Variants in CDC14B observed in about 807,000 individuals in gnomAD.
The protein encoded by CDC14B is dual specificity protein phosphatase CDC14B.
A neutral mutation model predicts 64.2 loss-of-function variants in CDC14B; 22 were observed. The ratio of observed to expected loss-of-function variants is 0.34; its 90% confidence interval spans 0.24 to 0.49. The LOEUF is 0.49. CDC14B is among the 20% of genes least tolerant of loss of function. The pLI is 0.99. For synonymous variants in CDC14B, 191 were observed against 215.8 expected (o/e 0.89, Z 1.01); for missense variants, 498 against 629.9 (o/e 0.79, Z 2.24).
chr9:96,611,441 T>G (rs1847318748), intron 1 of CDC14B, among the ~76,000 whole-genome samples: 1 of 152,238 alleles, frequency 6.6e-6, no homozygotes, highest in Non-Finnish European at 1.5e-5. Context: ...ATGCCTGATC[T>G]AGATGAGGCG....
intron 5 of CDC14B, among the ~76,000 whole-genome samples, chr9:96,550,327 T>C (rs185017966): frequency 2.0e-5 from 3 of 152,350 alleles, no homozygotes; most frequent in Admixed American, 2.0e-4. Context: ...ATTTTCACAA[T>C]TTTTCATGCA....
At chr9:96,518,370 C>T (rs964729185) in intron 12 of CDC14B, among the ~76,000 whole-genome samples, 13 of 152,036 alleles carry the variant, frequency 8.6e-5, no homozygotes, top group Non-Finnish European at 1.5e-4. Flanking sequence ...CAAAAATTAG[C>T]GAGGCGTGGT....
intron 9 of CDC14B, among the ~76,000 whole-genome samples, chr9:96,528,486 C>T (rs189447461): frequency 1.3e-5 from 2 of 151,872 alleles, no homozygotes; most frequent in East Asian, 3.9e-4. Flanking sequence ...TGCACCACAG[C>T]ACTCTAGTCT....
chr9:96,607,831 C>T (rs1449350026), intron 1 of CDC14B, among the ~76,000 whole-genome samples: 1 of 152,142 alleles, frequency 6.6e-6, no homozygotes, highest in Admixed American at 6.5e-5. Flanking sequence ...AGTCGATTCC[C>T]ACTCCCAGCT....
rs376059971 is a variant in CDC14B, at chr9:96,606,527, T to TTGTGTGTGTGTGTG, written c.160+12678_160+12691dup. On this transcript the variant is annotated intron_variant, in intron 1 of 13. Coordinates refer to ENST00000375241, the MANE Select transcript of CDC14B (RefSeq NM_033331.4). Reference sequence around the variant, plus strand: ...ATGAGATCTCATCTCTACTAAAAGTTTGTGTGTGTGTGTGTGTGTGTGTGT... The same window carrying TTGTGTGTGTGTGTG: ...ATGAGATCTCATCTCTACTAAAAGTTTGTGTGTGTGTGTGTGTGTGTGTGTGTGTGTGTGTGTGT... 3.5e-3 allele frequency among the ~76,000 whole-genome samples: 396 copies of TTGTGTGTGTGTGTG among 112,838 alleles called. 6 individuals are homozygous for TTGTGTGTGTGTGTG. The highest frequency in any genetic ancestry group is 8.7e-3 in the African/African-American group (264 of 30,202). The allele number at this position is 112,838 out of a possible 152,430, so 74.0% of individuals were successfully genotyped here.
At chr9:96,570,857 A>G (rs1844424168) in intron 1 of CDC14B, among the ~76,000 whole-genome samples, 1 of 152,206 alleles carries the variant, frequency 6.6e-6, no homozygotes, top group Non-Finnish European at 1.5e-5. Flanking sequence ...GAAGTGGCAG[A>G]ATTGGGATTT....
intron 4 of CDC14B, 27 bp from the exon 5 acceptor site, chr9:96,551,899 C>CA: frequency 1.3e-6 from 2 of 1,588,080 alleles, no homozygotes; most frequent in Non-Finnish European, 1.7e-6. Flanking sequence ...AAGAAAAAGG[C>CA]AATTTATTTC....
chr9:96,586,933 G>A (rs1241865056), intron 1 of CDC14B, among the ~76,000 whole-genome samples: 1 of 152,080 alleles, frequency 6.6e-6, no homozygotes, highest in Non-Finnish European at 1.5e-5. Flanking sequence ...AGCACTTTGG[G>A]AGGCTGAGGT....
chr9:96,573,253 G>A (rs1396981331), intron 1 of CDC14B, among the ~76,000 whole-genome samples: 3 of 152,212 alleles, frequency 2.0e-5, no homozygotes, highest in Non-Finnish European at 2.9e-5. Context: ...AGAGGTTGCC[G>A]TGAGCCCAGA....
intron 1 of CDC14B, among the ~76,000 whole-genome samples, chr9:96,594,364 C>T (rs1845945426): frequency 6.6e-6 from 1 of 152,104 alleles, no homozygotes; most frequent in Non-Finnish European, 1.5e-5. Context: ...TGCAAAGGGT[C>T]CAAAGTATCC....
At chr9:96,577,934 G>A (rs1478085113) in intron 1 of CDC14B, among the ~76,000 whole-genome samples, 5 of 152,160 alleles carry the variant, frequency 3.3e-5, no homozygotes, top group South Asian at 4.1e-4. Flanking sequence ...AGTGCCTGAG[G>A]CTACAGCCAC....
intron 12 of CDC14B, chr9:96,514,820 G>A (rs754755391): frequency 1.3e-5 from 13 of 985,482 alleles, no homozygotes; most frequent in Non-Finnish European, 1.6e-5. Context: ...TGTTCCACAA[G>A]TGGGCCTCTT....
At chr9:96,593,649 G>A (rs1341097869) in intron 1 of CDC14B, among the ~76,000 whole-genome samples, 1 of 151,992 alleles carries the variant, frequency 6.6e-6, no homozygotes, top group Admixed American at 6.6e-5. Context: ...AAATAAGGAA[G>A]AACAAACAAG....
At chr9:96,522,263 T>C (rs1405044141) in intron 12 of CDC14B, among the ~76,000 whole-genome samples, 5 of 152,312 alleles carry the variant, frequency 3.3e-5, no homozygotes, top group South Asian at 2.1e-4. Context: ...TGATTATTCA[T>C]GGAGAAAAAG....
chr9:96,499,849 G>C (rs1306486516), downstream of CDC14B, among the ~76,000 whole-genome samples: 3 of 152,236 alleles, frequency 2.0e-5, no homozygotes, highest in African/African-American at 7.2e-5. Context: ...GCACCAAAGA[G>C]AGGCCCTGCG....
intron 1 of CDC14B, among the ~76,000 whole-genome samples, chr9:96,613,392 C>T (rs1847438593): frequency 6.6e-6 from 1 of 152,200 alleles, no homozygotes; most frequent in African/African-American, 2.4e-5. Flanking sequence ...TTACAATTTG[C>T]ACTGACTGGC....
At chr9:96,597,261 A>G (rs1399823197) in intron 1 of CDC14B, among the ~76,000 whole-genome samples, 4 of 152,190 alleles carry the variant, frequency 2.6e-5, no homozygotes, top group Non-Finnish European at 2.9e-5. Context: ...TGGGAGGCCG[A>G]GGCAGGTGGA....
At chr9:96,520,277 T>C (rs1439551486) in intron 12 of CDC14B, among the ~76,000 whole-genome samples, 1 of 152,238 alleles carries the variant, frequency 6.6e-6, no homozygotes, top group Non-Finnish European at 1.5e-5. Flanking sequence ...GGGCTATTTA[T>C]ATATATTGTT....
chr9:96,493,912 G>C (rs190009111), intron 13 of CDC14B, among the ~76,000 whole-genome samples: 7 of 152,232 alleles, frequency 4.6e-5, no homozygotes, highest in African/African-American at 1.7e-4. Context: ...TCATCCCCGC[G>C]CTCCCAGGAC....
Sources: gnomAD v4.1 joint callset for allele counts (sites outside exome capture counted in the v4.1 genomes callset) on GRCh38, gnomAD v4.1.1 for gene constraint, MANE v1.5 for transcripts, NCBI Gene and HGNC (gene_info 2026-07-23, HGNC 2026-07-21) for gene names.